CES1: variants seen among roughly 807,000 people sequenced by gnomAD.
CES1 encodes carboxylesterase 1.
Under a neutral mutation model 53.0 loss-of-function variants are expected in CES1, and 50 were observed. The ratio of observed to expected loss-of-function variants is 0.94; its 90% confidence interval spans 0.75 to 1.19. The LOEUF (loss-of-function observed/expected upper bound fraction) is 1.19, where lower values mean the gene tolerates loss of function less well. Ranked by LOEUF, CES1 falls within the 50% of genes most tolerant of loss-of-function variation. The pLI is 0.00. For missense variants in CES1, 534 were observed against 538.0 expected, an observed-to-expected ratio of 0.99 and a Z score of 0.07; for synonymous variants, 202 against 210.1, an observed-to-expected ratio of 0.96 and a Z score of 0.33.
chr16:55,821,961 G>A (rs1331323897), intron 4 of CES1, among the ~76,000 whole-genome samples: 1 of 152,244 alleles, frequency 6.6e-6, no homozygotes, highest in African/African-American at 2.4e-5. Context: ...AGGCTTTTTG[G>A]AGGCAGTGAC....
rs1174984882 is a variant in CES1 at position 55,820,623 on chromosome 16, A to G, written c.694-144T>C. 1.1e-5 allele frequency: 15 copies of G among 1,342,308 alleles called. No individual in the cohort carries two copies. The African/African-American group carries it at 1.2e-4, about 10-fold the overall frequency. 83.1% of individuals were successfully genotyped at this position (1,342,308 alleles called of 1,614,324 possible). A position where few individuals can be genotyped will look rare whatever the true frequency, so the allele number is the denominator to read the frequency against. On this transcript the variant is annotated intron_variant, in intron 5 of 13. Transcript: ENST00000360526. ...AGTGGGCTGACCCTCTGCCCACCTC[A>G]AGGAGGTGGAAGTCTTCCTACAGCT...
At chr16:55,812,121 C>T (rs1379273679) in intron 9 of CES1, among the ~76,000 whole-genome samples, 1 of 152,324 alleles carries the variant, frequency 6.6e-6, no homozygotes, top group East Asian at 1.9e-4. Flanking sequence ...TCCCCTATTG[C>T]AATCATATTA....
intron 8 of CES1, among the ~76,000 whole-genome samples, chr16:55,814,608 T>C (rs1189312124): frequency 6.6e-6 from 1 of 152,252 alleles, no homozygotes; most frequent in Non-Finnish European, 1.5e-5. Context: ...TAGGTATTAC[T>C]TGTTAGCAAG....
chr16:55,811,020 A>AT lies in CES1; in HGVS notation c.1087-11_1087-10insA, dbSNP rs1373240429. ...GATAGCTCATCAACTGCTAAAAAAA[A>AT]AAAAAAGTTCAGCATTTATGAATCA... On this transcript the variant is annotated splice_polypyrimidine_tract_variant and intron_variant, in intron 9 of 13. Transcript: ENST00000360526. The AT allele has an allele frequency of 5.0e-6, 8 of 1,606,540 alleles. No individual in the cohort carries two copies. In the Admixed American group the frequency reaches 1.3e-4, roughly 27 times the overall value.
intron 2 of CES1, among the ~76,000 whole-genome samples, chr16:55,827,383 T>C (rs1433439911): frequency 6.6e-6 from 1 of 151,662 alleles, no homozygotes; most frequent in Non-Finnish European, 1.5e-5. Flanking sequence ...AAAATAATAT[T>C]GCTGGTATTG....
rs2031666832 is a variant in CES1 at position 55,810,984 on chromosome 16, T to C, written c.1113A>G (p.Glu371=). ...TGGCTGTCTTCTGGTCCAGTTGCCCTTCGGAGAGTGGATAGCTCATCAACT... is the reference window on the plus strand; with the variant it reads ...TGGCTGTCTTCTGGTCCAGTTGCCCCTCGGAGAGTGGATAGCTCATCAACT... ...PMQLMSYPLS[E]GQLDQKTAMS... Residue 371 remains glutamate (E), a synonymous_variant, in exon 10 of 14, where the codon GAA becomes GAG. Coordinates refer to ENST00000360526, the MANE Select transcript of CES1 (RefSeq NM_001025195.2). The C allele has an allele frequency of 6.2e-7, 1 of 1,612,622 alleles. No homozygotes were observed. The highest frequency in any genetic ancestry group is 2.2e-5 in the East Asian group (1 of 44,866).
At position 55,820,472 on chromosome 16, in the gene CES1, G is replaced by A. The variant is rs1303781942; in HGVS notation, c.701C>T (p.Ser234Phe). 1.3e-6 allele frequency: 2 copies of A among 1,575,706 alleles called. No individual in the cohort carries two copies. The highest frequency in any genetic ancestry group is 2.7e-5 in the African/African-American group (2 of 74,090). The change falls in exon 6 of 14, where the codon TCT becomes TTT. Residue 234 changes from serine (S) to phenylalanine (F), a missense_variant. Transcript: ENST00000360526. ...GTGGAAGAGGTTCTTGGCCAATGGA[G>A]ACAAAACCTGACAGCAGAGTGGAGG... is the stretch of plus-strand genomic sequence containing the variant. ...GGESVSVLVL[S>F]PLAKNLFHRA...
Position 55,810,949 on chromosome 16 carries a change from A to C in CES1, c.1148T>G (p.Leu383Arg), listed in dbSNP as rs201004290. Residue 383 changes from leucine (L) to arginine (R), a missense_variant, in exon 10 of 14, where the codon CTG becomes CGG. Physicochemically the swap from Leu to Arg is moderately radical, Grantham distance 102. Coordinates refer to ENST00000360526, the MANE Select transcript of CES1 (RefSeq NM_001025195.2). ...QLDQKTAMSL[L>R]WKSYPLVCIA... ...TACAACAAGGGGATAGGACTTCCAC[A>C]GGAGTGACATGGCTGTCTTCTGGTC... 6.2e-7 allele frequency: 1 copy of C among 1,613,870 alleles called. No individual in the cohort carries two copies. Among genetic ancestry groups the C allele is most frequent in the East Asian group, 2.2e-5 (1 of 44,886 alleles).
At chr16:55,815,242 T>C (rs2031886938) in intron 8 of CES1, among the ~76,000 whole-genome samples, 1 of 152,118 alleles carries the variant, frequency 6.6e-6, no homozygotes, top group Admixed American at 6.5e-5. Flanking sequence ...TGGCACACAG[T>C]GTGCACGCAG....
intron 1 of CES1, among the ~76,000 whole-genome samples, 154 bp from the exon 2 acceptor site, chr16:55,829,128 C>T (rs1183649759): frequency 1.3e-5 from 2 of 151,966 alleles, no homozygotes; most frequent in South Asian, 4.1e-4. Context: ...GGATGACGAT[C>T]AATGTCCTCC....
intron 7 of CES1, among the ~76,000 whole-genome samples, chr16:55,819,055 G>A (rs1207098991): frequency 1.3e-5 from 2 of 152,242 alleles, no homozygotes; most frequent in East Asian, 1.9e-4. Context: ...ACGGATTAAC[G>A]AATGGGTGGA....
intron 2 of CES1, among the ~76,000 whole-genome samples, chr16:55,826,666 T>G (rs1447004780): frequency 6.6e-6 from 1 of 152,184 alleles, no homozygotes; most frequent in Non-Finnish European, 1.5e-5. Flanking sequence ...TCTAGTTTTG[T>G]CTCTCCCATG....
At position 55,827,255 on chromosome 16, in the gene CES1, T is replaced by A. The variant is rs1262932188; in HGVS notation, c.261-960A>T. ...TCCATCCTGGGAAATTTTCCTAAGA[T>A]CACCAAGTGCAAGAGGAATAACAAT... On this transcript the variant is annotated intron_variant, in intron 2 of 13. Transcript: ENST00000360526. 2.2e-5 allele frequency among the ~76,000 whole-genome samples: 3 copies of A among 138,890 alleles called. No individual in the cohort carries two copies. In the East Asian group the frequency reaches 6.0e-4, roughly 28 times the overall value. The allele number at this position is 138,890 out of a possible 152,430, so 91.1% of individuals were successfully genotyped here.
chr16:55,808,263 CT>C (rs2031525776), intron 11 of CES1, among the ~76,000 whole-genome samples: 6 of 148,200 alleles, frequency 4.0e-5, no homozygotes, highest in Admixed American at 4.0e-4. Flanking sequence ...CCAAAACGTA[CT>C]TTGTAAAACT....
intron 8 of CES1, 21 bp downstream of exon 8, chr16:55,816,903 C>G (rs770883431): frequency 1.2e-5 from 20 of 1,613,466 alleles, no homozygotes; most frequent in Non-Finnish European, 1.5e-5. Flanking sequence ...AACCCGTAAT[C>G]CAGAAACAAA....
At chr16:55,832,121 A>T (rs2032707229) in intron 1 of CES1, among the ~76,000 whole-genome samples, 1 of 152,094 alleles carries the variant, frequency 6.6e-6, no homozygotes, top group African/African-American at 2.4e-5. Context: ...ACAATTAGGA[A>T]CAGCCCCTGT....
chr16:55,809,674 A>G (rs1482354744), intron 11 of CES1, among the ~76,000 whole-genome samples: 1 of 152,122 alleles, frequency 6.6e-6, no homozygotes, highest in African/African-American at 2.4e-5. Context: ...ACCCTCAGAC[A>G]CTGCCATTCT....
intron 1 of CES1, among the ~76,000 whole-genome samples, chr16:55,830,833 G>GGAAGGAAA (rs2032633004): frequency 6.6e-6 from 1 of 150,808 alleles, no homozygotes. Flanking sequence ...CAGGCAGGCA[G>GGAAGGAAA]GCAGGCAGGC....
Position 55,818,997 on chromosome 16 carries a change from A to G in CES1, c.906+538T>C, listed in dbSNP as rs546585407. Among the ~76,000 whole-genome samples the G allele has an allele frequency of 1.1e-4, 17 of 152,368 alleles. No individual in the cohort carries two copies. The South Asian group carries it at 1.7e-3, about 15-fold the overall frequency. On this transcript the variant is annotated intron_variant, in intron 7 of 13. Coordinates refer to ENST00000360526, the MANE Select transcript of CES1 (RefSeq NM_001025195.2). ...TAGATTGATAAAAAGATATGAGTGA[A>G]TTGGATGAATTAGTGAACAGATAGA...
Sources: allele counts gnomAD v4.1 joint callset (sites outside exome capture counted in the v4.1 genomes callset), GRCh38; gene constraint gnomAD v4.1.1; transcripts MANE v1.5; gene names NCBI Gene and HGNC (gene_info 2026-07-23, HGNC 2026-07-21).